Variants in ANGPT4 observed in about 807,000 individuals in gnomAD.
ANGPT4 encodes angiopoietin 4, also known as angiopoietin-4.
In ANGPT4, 50 loss-of-function variants were observed where a neutral mutation model predicts 53.0. The ratio of observed to expected loss-of-function variants is 0.94; its 90% CI spans 0.75 to 1.20. ANGPT4 has a LOEUF of 1.20. ANGPT4 is among the 50% of genes most tolerant of loss of function. The probability of loss-of-function intolerance (pLI) is 0.00; values close to 1 mark genes in which losing one functional copy is unlikely to be tolerated. For missense variants in ANGPT4, 648 were observed against 637.1 expected (o/e 1.02, Z -0.18); for synonymous variants, 251 against 259.7 (o/e 0.97, Z 0.32).
At chr20:877,525 T>C (rs1478529287) in intron 7 of ANGPT4, among the ~76,000 whole-genome samples, 2 of 152,178 alleles carry the variant, frequency 1.3e-5, no homozygotes, top group Non-Finnish European at 2.9e-5. Context: ...GGTACAGTAA[T>C]GCCTACTTCA....
chr20:884,975 G>A (rs1321094412), intron 4 of ANGPT4, 103 bp downstream of exon 4: 41 of 1,503,580 alleles, frequency 2.7e-5, no homozygotes, highest in Non-Finnish European at 2.4e-5. Flanking sequence ...GGTGGGGCCC[G>A]CAATGGCTCC....
chr20:886,709 C>T (rs908449184), intron 3 of ANGPT4, among the ~76,000 whole-genome samples: 2 of 152,138 alleles, frequency 1.3e-5, no homozygotes, highest in African/African-American at 4.8e-5. Flanking sequence ...TGTTGAGTAG[C>T]TTATGTAAGG....
At chr20:890,003 G>C (rs1440210866) in intron 2 of ANGPT4, among the ~76,000 whole-genome samples, 1 of 152,176 alleles carries the variant, frequency 6.6e-6, no homozygotes, top group Non-Finnish European at 1.5e-5. Flanking sequence ...AGGCAGAAAA[G>C]CCAAGCCCAG....
intron 2 of ANGPT4, 124 bp from the exon 3 acceptor site, chr20:888,563 A>G: frequency 6.9e-7 from 1 of 1,447,996 alleles, no homozygotes. Flanking sequence ...TCCCAGTCGT[A>G]GTTCCTGTGG....
At chr20:887,229 G>C (rs1235314864) in intron 3 of ANGPT4, among the ~76,000 whole-genome samples, 1 of 152,180 alleles carries the variant, frequency 6.6e-6, no homozygotes. Context: ...GAGAATTGGG[G>C]CACACTGAAA....
At chr20:890,065 T>C (rs1054009114) in intron 2 of ANGPT4, 148 bp downstream of exon 2, 25 of 959,692 alleles carry the variant, frequency 2.6e-5, no homozygotes, top group Non-Finnish European at 3.6e-5. Flanking sequence ...TATGACAAGT[T>C]CATCAGGGAG....
chr20:894,349 G>A (rs1981963521), intron 1 of ANGPT4, among the ~76,000 whole-genome samples: 1 of 152,176 alleles, frequency 6.6e-6, no homozygotes, highest in South Asian at 2.1e-4. Flanking sequence ...CCCAAGTGCT[G>A]TTGGGGAGGT....
chr20:879,688 C>A, intron 6 of ANGPT4, 59 bp downstream of exon 6: 1 of 1,486,780 alleles, frequency 6.7e-7, no homozygotes, highest in Non-Finnish European at 9.3e-7. Context: ...CTTCCAACAG[C>A]CCAGCCCCAG....
In ANGPT4 at chr20:872,652, G is replaced by A. The variant is rs1001776709; in HGVS notation, c.*308C>T. 6.3e-5 allele frequency: 18 copies of A among 284,718 alleles called. No homozygotes were observed. The highest frequency in any genetic ancestry group is 9.5e-5 in the Admixed American group (2 of 21,132). The allele number at this position is 284,718 out of a possible 1,614,324, so 17.6% of individuals were successfully genotyped here. Reference sequence around the variant, plus strand: ...CCCCACCATTGGTCATGGGAATCAAGTTTGGTCTGTTCTCAGCCCATTCAA... The same window carrying A: ...CCCCACCATTGGTCATGGGAATCAAATTTGGTCTGTTCTCAGCCCATTCAA... On this transcript the variant is annotated 3_prime_UTR_variant, in exon 9 of 9. Transcript: ENST00000381922.
intron 1 of ANGPT4, among the ~76,000 whole-genome samples, chr20:903,903 C>G (rs1982380621): frequency 1.3e-5 from 2 of 152,126 alleles, no homozygotes; most frequent in Non-Finnish European, 2.9e-5. Context: ...AAATGATGCT[C>G]TCAGGGACCT....
At chr20:873,180 G>T in intron 8 of ANGPT4, 60 bp from the exon 9 acceptor site, 1 of 1,572,118 alleles carries the variant, frequency 6.4e-7, no homozygotes. Flanking sequence ...GTGGCAAGAG[G>T]GCAGCCCCTG....
At chr20:913,424 A>G (rs1423409089) in intron 1 of ANGPT4, among the ~76,000 whole-genome samples, 2 of 152,158 alleles carry the variant, frequency 1.3e-5, no homozygotes, top group Non-Finnish European at 2.9e-5. Flanking sequence ...GTAAGGAAGT[A>G]CCTGCAGCCA....
chr20:896,996 C>T (rs1327653210), intron 1 of ANGPT4, among the ~76,000 whole-genome samples: 2 of 152,118 alleles, frequency 1.3e-5, no homozygotes, highest in East Asian at 3.9e-4. Flanking sequence ...TACCTTGTGA[C>T]ATTCCTTCTC....
At chr20:915,092 T>C (rs1182685237) in intron 1 of ANGPT4, among the ~76,000 whole-genome samples, 3 of 152,146 alleles carry the variant, frequency 2.0e-5, no homozygotes, top group Non-Finnish European at 2.9e-5. Flanking sequence ...CGGCCACCTC[T>C]TTGGGCTTCT....
At position 890,230 on chromosome 20, in the gene ANGPT4, T is replaced by A; in HGVS notation, c.448A>T (p.Thr150Ser). ...NQTTAQIRKLTDMEAQLLNQT... is the reference protein window; with the variant it reads ...NQTTAQIRKLSDMEAQLLNQT... ...TCTGTTACCTGAGCCTCCATGTCGG[T>A]CAGCTTGCGGATCTGGGCAGTGGTC... Residue 150 changes from threonine (T) to serine (S), a missense_variant, in exon 2 of 9, where the codon ACC (threonine) becomes TCC (serine). Transcript: ENST00000381922. The A allele has an allele frequency of 1.2e-6, 2 of 1,613,788 alleles. No individual in the cohort carries two copies. The highest frequency in any genetic ancestry group is 1.7e-6 in the Non-Finnish European group (2 of 1,179,892).
In ANGPT4 at chr20:908,414, T is replaced by C. The variant is rs758149721; in HGVS notation, c.309+7492A>G. ...GGAATGCTTTTGCTTCCTTTCCCTG[T>C]CTCGCCACTGCCAACCCAGCCTTTA... On this transcript the variant is annotated intron_variant, in intron 1 of 8. Coordinates refer to ENST00000381922, the MANE Select transcript of ANGPT4 (RefSeq NM_015985.4). The surrounding 1 kb of genome is among the most constrained non-coding windows in gnomAD (Gnocchi z 4.9). 8.5e-5 allele frequency among the ~76,000 whole-genome samples: 13 copies of C among 152,182 alleles called. No individual in the cohort carries two copies. Among genetic ancestry groups the C allele is most frequent in the Non-Finnish European group, 1.9e-4 (13 of 68,024 alleles).
rs1358845434 is a variant in ANGPT4, at chr20:885,276, G to A, written c.637C>T (p.Leu213=). ...GCCTTCTTGCTGAGGATGCTGGCCA[G>A]CTCCTCCTGCTGCTTGGTCTCCAGG... The part of the protein sequence containing the change: ...QALETKQQEE[L]ASILSKKAKL... The change falls in exon 4 of 9, where the codon CTG becomes TTG. Residue 213 remains leucine, a synonymous_variant. Transcript: ENST00000381922. The A allele has an allele frequency of 1.3e-6, 2 of 1,582,180 alleles. No individual in the cohort carries two copies. Among genetic ancestry groups the A allele is most frequent in the Non-Finnish European group, 1.7e-6 (2 of 1,165,740 alleles).
intron 1 of ANGPT4, among the ~76,000 whole-genome samples, chr20:894,594 T>G (rs1055304226): frequency 6.6e-6 from 1 of 152,104 alleles, no homozygotes; most frequent in South Asian, 2.1e-4. Context: ...TATAGCTGTA[T>G]CGAGTTTGGT....
chr20:896,731 A>T (rs1326515152), intron 1 of ANGPT4, among the ~76,000 whole-genome samples: 1 of 152,120 alleles, frequency 6.6e-6, no homozygotes, highest in South Asian at 2.1e-4. Flanking sequence ...TGGGGCCTCT[A>T]CTGGTGTCTG....
Sources: allele counts gnomAD v4.1 joint callset (sites outside exome capture counted in the v4.1 genomes callset), GRCh38; gene constraint gnomAD v4.1.1; non-coding constraint Gnocchi (gnomAD v3.1); transcripts MANE v1.5; gene names NCBI Gene and HGNC (gene_info 2026-07-23, HGNC 2026-07-21).